Variants in HMGXB4 observed in about 807,000 individuals in gnomAD.
HMGXB4 encodes the protein HMG-box containing 4.
A neutral mutation model predicts 63.9 loss-of-function variants in HMGXB4; 27 were observed. That is an observed-to-expected ratio of 0.42 (90% confidence interval 0.31 to 0.58). HMGXB4 has a LOEUF of 0.58. Among genes scored for constraint, HMGXB4 ranks in the 20% least tolerant of loss-of-function variants. The probability of loss-of-function intolerance (pLI) is 0.13; values close to 1 mark genes in which losing one functional copy is unlikely to be tolerated. For synonymous variants in HMGXB4, 264 were observed against 265.3 expected (o/e 0.99, Z 0.05); for missense variants, 624 against 700.7 (o/e 0.89, Z 1.24).
At chr22:35,270,345 A>G (rs1337651889) in intron 5 of HMGXB4, among the ~76,000 whole-genome samples, 1 of 152,198 alleles carries the variant, frequency 6.6e-6, no homozygotes, top group Non-Finnish European at 1.5e-5. Flanking sequence ...TCACCCCCAG[A>G]TGGGACCATC....
intron 5 of HMGXB4, among the ~76,000 whole-genome samples, chr22:35,270,926 A>T (rs1923565038): frequency 6.6e-6 from 1 of 152,178 alleles, no homozygotes; most frequent in South Asian, 2.1e-4. Flanking sequence ...TTTTAAAAAT[A>T]TATTTTCCTG....
intron 1 of HMGXB4, 76 bp downstream of exon 1, chr22:35,257,633 A>T (rs1044472015): frequency 6.6e-6 from 1 of 152,210 alleles, no homozygotes. Context: ...CCCCGTCGCC[A>T]CCCGCCGCCC....
Position 35,263,847 on chromosome 22 carries a change from C to G in HMGXB4, c.232C>G (p.His78Asp). Residue 78 changes from histidine to aspartate, a missense_variant, in exon 4 of 11, where the codon CAC (histidine) becomes GAC (aspartate). His to Asp is a moderately conservative substitution (Grantham distance 81). Transcript: ENST00000216106. The stretch of plus-strand genomic sequence containing the variant: ...GGACACACACAAGAAGAAGAGGAAG[C>G]ACTCCTCTGATGATTACTACTATGG... ...GTDTHKKKRK[H>D]SSDDYYYGDI... is the part of the protein sequence containing the mutation. 2 of 1,612,992 alleles carry G rather than the reference C, an allele frequency of 1.2e-6. No homozygotes were observed. Among genetic ancestry groups the G allele is most frequent in the Non-Finnish European group, 1.7e-6 (2 of 1,178,980 alleles).
rs540873474 is a variant in HMGXB4, at chr22:35,283,915, G to A, written c.1216-47G>A. The A allele has an allele frequency of 1.8e-5, 25 of 1,388,412 alleles. No individual in the cohort carries two copies. In the South Asian group the frequency reaches 2.1e-4, roughly 12 times the overall value. 86.0% of individuals were successfully genotyped at this position (1,388,412 alleles called of 1,614,324 possible). On this transcript the variant is annotated intron_variant, in intron 5 of 10. Coordinates refer to ENST00000216106, the MANE Select transcript of HMGXB4 (RefSeq NM_001003681.3). ...CTATGGATTCAGGGTTACTAAACCT[G>A]GGTTCTAATCAAGTCTTACCCTGTT...
At chr22:35,269,796 C>T (rs1475670970) in intron 5 of HMGXB4, among the ~76,000 whole-genome samples, 1 of 151,992 alleles carries the variant, frequency 6.6e-6, no homozygotes, top group Non-Finnish European at 1.5e-5. Flanking sequence ...CGCTTGAGTC[C>T]AAGAGTTCAA....
the HMGXB4 span, among the ~76,000 whole-genome samples, chr22:35,247,042 T>C: frequency 3.3e-5 from 5 of 152,236 alleles, no homozygotes; most frequent in African/African-American, 1.2e-4. Flanking sequence ...TCTATATGGA[T>C]TGATTTTCCT....
chr22:35,263,376 C>T, intron 3 of HMGXB4, 150 bp downstream of exon 3: 2 of 672,130 alleles, frequency 3.0e-6, no homozygotes, highest in Non-Finnish European at 4.9e-6. Flanking sequence ...CTTCGACTCC[C>T]AGGTTCAAGC....
At chr22:35,270,713 T>C (rs1463122887) in intron 5 of HMGXB4, among the ~76,000 whole-genome samples, 1 of 152,218 alleles carries the variant, frequency 6.6e-6, no homozygotes, top group Non-Finnish European at 1.5e-5. Context: ...AATTTGCCCA[T>C]GTGGCTAGCA....
At chr22:35,246,094 A>C in the HMGXB4 span, among the ~76,000 whole-genome samples, 1 of 152,112 alleles carries the variant, frequency 6.6e-6, no homozygotes. Context: ...CAAGGGGACG[A>C]AAGCCCCAGC....
intron 5 of HMGXB4, among the ~76,000 whole-genome samples, chr22:35,268,920 A>G (rs1923430405): frequency 6.6e-6 from 1 of 152,102 alleles, no homozygotes; most frequent in Admixed American, 6.5e-5. Context: ...ATCAAATGCC[A>G]CCTCTTCTAA....
At chr22:35,268,015 C>A (rs953177528) in intron 5 of HMGXB4, among the ~76,000 whole-genome samples, 3 of 152,196 alleles carry the variant, frequency 2.0e-5, no homozygotes, top group African/African-American at 7.2e-5. Flanking sequence ...GCCCAGGAGG[C>A]AGGTGCTGCA....
At chr22:35,264,128 C>G in intron 4 of HMGXB4, 1 of 1,351,766 alleles carries the variant, frequency 7.4e-7, no homozygotes, top group South Asian at 1.3e-5. Context: ...CAATCATCCA[C>G]TTATCTTGTG....
intron 5 of HMGXB4, among the ~76,000 whole-genome samples, chr22:35,269,397 A>G (rs1029819662): frequency 6.6e-6 from 1 of 152,190 alleles, no homozygotes; most frequent in Non-Finnish European, 1.5e-5. Context: ...ACAAAATAGA[A>G]TTCATAGAAG....
the HMGXB4 span, among the ~76,000 whole-genome samples, chr22:35,243,096 C>A: frequency 6.6e-6 from 1 of 152,122 alleles, no homozygotes; most frequent in Non-Finnish European, 1.5e-5. Flanking sequence ...TGGGGCCAGG[C>A]GCGGTGGCTC....
chr22:35,254,929 AG>A (rs1922326507), upstream of HMGXB4, among the ~76,000 whole-genome samples: 1 of 152,172 alleles, frequency 6.6e-6, no homozygotes, highest in African/African-American at 2.4e-5. Context: ...AGGACTCATA[AG>A]GCTTTTAGGT....
intron 1 of HMGXB4, chr22:35,258,484 CTG>C (rs771992132): frequency 6.6e-6 from 1 of 152,218 alleles, no homozygotes; most frequent in Non-Finnish European, 1.5e-5. Context: ...GTCAGCCAAT[CTG>C]TGCGGTGGTC....
the HMGXB4 span, among the ~76,000 whole-genome samples, chr22:35,250,916 A>G: frequency 6.6e-6 from 1 of 152,112 alleles, no homozygotes; most frequent in Non-Finnish European, 1.5e-5. Context: ...GAAGTTTTCA[A>G]ACACCTGCAG....
chr22:35,270,117 G>A (rs780019941), intron 5 of HMGXB4, among the ~76,000 whole-genome samples: 4 of 152,186 alleles, frequency 2.6e-5, no homozygotes, highest in Non-Finnish European at 5.9e-5. Flanking sequence ...ACCAGTAGCC[G>A]TCCGCGGCCT....
chr22:35,256,223 G>A (rs1331982831), upstream of HMGXB4, among the ~76,000 whole-genome samples: 2 of 152,128 alleles, frequency 1.3e-5, no homozygotes, highest in Non-Finnish European at 2.9e-5. Context: ...TGACTACCTC[G>A]TCTTCAAGCA....
Sources: allele counts gnomAD v4.1 joint callset (sites outside exome capture counted in the v4.1 genomes callset), GRCh38; gene constraint gnomAD v4.1.1; transcripts MANE v1.5; gene names NCBI Gene and HGNC (gene_info 2026-07-23, HGNC 2026-07-21).